SYN3: variants seen among roughly 807,000 people sequenced by gnomAD.
The protein encoded by SYN3 is synapsin III, also known as synapsin-3.
Under a neutral mutation model 65.8 loss-of-function variants are expected in SYN3, and 35 were observed. That is an observed-to-expected ratio of 0.53 (90% confidence interval 0.41 to 0.70). The LOEUF (loss-of-function observed/expected upper bound fraction) is 0.70, where lower values mean the gene tolerates loss of function less well. Among genes scored for constraint, SYN3 ranks in the 30% least tolerant of loss-of-function variants. SYN3 has a pLI of 0.00. For synonymous variants in SYN3, 270 were observed against 292.9 expected (o/e 0.92, Z 0.80); for missense variants, 680 against 749.0 (o/e 0.91, Z 1.08).
Position 32,605,536 on chromosome 22 carries a change from A to G in SYN3, c.712-8800T>C, listed in dbSNP as rs75662235. Among the ~76,000 whole-genome samples, 227 of 152,282 alleles carry G rather than the reference A, an allele frequency of 1.5e-3. 1 individual carries two copies. The highest frequency in any genetic ancestry group is 2.6e-3 in the Non-Finnish European group (175 of 68,030). On this transcript the variant is annotated intron_variant, in intron 6 of 13. Transcript: ENST00000358763. ...TATCGCCCCACGTAAGCCTCTTGAT[A>G]CTTCTTCTGTGAGGTAGCTCCTATC...
At chr22:32,782,467 G>T (rs1045007578) in intron 6 of SYN3, among the ~76,000 whole-genome samples, 6 of 150,490 alleles carry the variant, frequency 4.0e-5, no homozygotes, top group Non-Finnish European at 8.8e-5. Context: ...CTCCCAAGGT[G>T]TTGGGATTAC....
At chr22:32,525,484 G>C (rs130451) in intron 12 of SYN3, among the ~76,000 whole-genome samples, 28,969 of 152,022 alleles carry the variant, frequency 0.19, 2,836 homozygotes, top group African/African-American at 0.22. Context: ...GAGGCGGGCG[G>C]ATCACGAGGT....
chr22:32,686,590 A>ATT lies in SYN3; in HGVS notation c.712-89856_712-89855dup, dbSNP rs149862418. 8.2e-3 allele frequency among the ~76,000 whole-genome samples: 595 copies of ATT among 72,332 alleles called. 4 individuals are homozygous for ATT. Among genetic ancestry groups the ATT allele is most frequent in the African/African-American group, 0.012 (180 of 15,250 alleles). The allele number at this position is 72,332 out of a possible 152,430, so 47.5% of individuals were successfully genotyped here. A position where few individuals can be genotyped will look rare whatever the true frequency, so the allele number is the denominator to read the frequency against. ...GATTTTCCAGTCCAGCTGCTCCTCC[A>ATT]TTTTTTTTTTTTTTTTTTTTTTTTG... On this transcript the variant is annotated intron_variant, in intron 6 of 13. Transcript: ENST00000358763.
intron 6 of SYN3, among the ~76,000 whole-genome samples, chr22:32,667,937 G>A (rs2060312620): frequency 6.6e-6 from 1 of 151,980 alleles, no homozygotes; most frequent in Non-Finnish European, 1.5e-5. Context: ...GGGACTACAG[G>A]TGCCTACCAC....
At chr22:32,598,070 C>T (rs570958712) in intron 6 of SYN3, among the ~76,000 whole-genome samples, 18 of 152,302 alleles carry the variant, frequency 1.2e-4, no homozygotes, top group African/African-American at 4.3e-4. Flanking sequence ...GTACTAATAA[C>T]ATAACTTCCT....
At chr22:32,737,897 T>C (rs1307293762) in intron 6 of SYN3, among the ~76,000 whole-genome samples, 1 of 152,188 alleles carries the variant, frequency 6.6e-6, no homozygotes, top group Non-Finnish European at 1.5e-5. Context: ...TTTTCTGCCA[T>C]GCTGATCATG....
At chr22:32,865,699 A>G (rs2048670814) in intron 5 of SYN3, among the ~76,000 whole-genome samples, 1 of 152,174 alleles carries the variant, frequency 6.6e-6, no homozygotes, top group South Asian at 2.1e-4. Context: ...GTTTTGCCAG[A>G]TACTAGCTAC....
rs1290207909 is a variant in SYN3 at position 32,671,394 on chromosome 22, CCT to C, written c.712-74660_712-74659del. Among the ~76,000 whole-genome samples, 7 of 151,966 alleles carry C rather than the reference CCT, an allele frequency of 4.6e-5. No homozygotes were observed. The East Asian group carries it at 5.8e-4, about 13-fold the overall frequency. On this transcript the variant is annotated intron_variant, in intron 6 of 13. Coordinates refer to ENST00000358763, the MANE Select transcript of SYN3 (RefSeq NM_003490.4). ...CACTCACCTGCACACTCACCCGCAT[CCT>C]CTCACACTCATCTCACATACATACT...
rs1377817107 is a variant in SYN3 at position 32,725,695 on chromosome 22, A to C, written c.712-128959T>G. ...CCTCCAGAGCTGGAAAAGATCAGGA[A>C]ACAGATCCTCCCCTAGATCCTCCAG... On this transcript the variant is annotated intron_variant, in intron 6 of 13. Coordinates refer to ENST00000358763, the MANE Select transcript of SYN3 (RefSeq NM_003490.4). Among the ~76,000 whole-genome samples, 10 of 152,302 alleles carry C rather than the reference A, an allele frequency of 6.6e-5. No individual in the cohort carries two copies. The East Asian group carries it at 1.9e-3, about 29-fold the overall frequency.
intron 6 of SYN3, among the ~76,000 whole-genome samples, chr22:32,702,248 C>T (rs564727444): frequency 4.6e-5 from 7 of 152,208 alleles, no homozygotes; most frequent in South Asian, 4.1e-4. Flanking sequence ...GAGGCTGAGG[C>T]GGGTGGATCA....
chr22:32,574,355 A>T (rs1036157429), intron 7 of SYN3, among the ~76,000 whole-genome samples: 1 of 152,054 alleles, frequency 6.6e-6, no homozygotes, highest in South Asian at 2.1e-4. Flanking sequence ...GGTGCACGCC[A>T]GTAGTCCCAG....
At chr22:32,821,130 A>G (rs2047236155) in intron 6 of SYN3, among the ~76,000 whole-genome samples, 1 of 152,212 alleles carries the variant, frequency 6.6e-6, no homozygotes, top group South Asian at 2.1e-4. Context: ...GAGGATGTCA[A>G]AAGAGATGAA....
chr22:33,022,018 T>C (rs1368475302), intron 1 of SYN3, among the ~76,000 whole-genome samples: 1 of 152,164 alleles, frequency 6.6e-6, no homozygotes, highest in Non-Finnish European at 1.5e-5. Context: ...AATCTGTGAT[T>C]ATACAAAAGA....
At chr22:32,561,744 G>A (rs540586386) in intron 7 of SYN3, among the ~76,000 whole-genome samples, 3 of 152,254 alleles carry the variant, frequency 2.0e-5, no homozygotes, top group Admixed American at 2.0e-4. Flanking sequence ...TGTTTCCCAC[G>A]AAGAGCATGG....
intron 6 of SYN3, among the ~76,000 whole-genome samples, chr22:32,641,772 C>T (rs925643454): frequency 2.0e-5 from 3 of 152,030 alleles, no homozygotes; most frequent in African/African-American, 7.2e-5. Context: ...CTAAAAGCCA[C>T]TTAATACTAC....
At chr22:32,641,748 T>C (rs574351092) in intron 6 of SYN3, among the ~76,000 whole-genome samples, 3 of 152,060 alleles carry the variant, frequency 2.0e-5, no homozygotes, top group South Asian at 4.2e-4. Flanking sequence ...TGGTTGCACA[T>C]ATCTGCGAAT....
At chr22:33,019,142 C>T (rs778096783) in intron 1 of SYN3, among the ~76,000 whole-genome samples, 2 of 152,172 alleles carry the variant, frequency 1.3e-5, no homozygotes, top group Non-Finnish European at 2.9e-5. Context: ...TTCCACATAT[C>T]CCTAGGATAA....
chr22:32,704,550 T>A (rs1468874964), intron 6 of SYN3, among the ~76,000 whole-genome samples: 2 of 152,216 alleles, frequency 1.3e-5, no homozygotes, highest in Non-Finnish European at 2.9e-5. Context: ...GTCTTTATGG[T>A]AGAACAATTT....
intron 6 of SYN3, among the ~76,000 whole-genome samples, chr22:32,643,463 C>T (rs191370952): frequency 7.2e-6 from 1 of 138,224 alleles, no homozygotes; most frequent in East Asian, 2.3e-4. Flanking sequence ...CAGGGGTCAA[C>T]TTAAGCCTTC....
Sources: allele counts gnomAD v4.1 joint callset (sites outside exome capture counted in the v4.1 genomes callset), GRCh38; gene constraint gnomAD v4.1.1; transcripts MANE v1.5; gene names NCBI Gene and HGNC (gene_info 2026-07-23, HGNC 2026-07-21).